NRG1: variants seen among roughly 807,000 people sequenced by gnomAD.
The protein encoded by NRG1 is neuregulin 1, also known as pro-neuregulin-1, membrane-bound isoform.
In NRG1, 18 loss-of-function variants were observed where a neutral mutation model predicts 63.8. The ratio of observed to expected loss-of-function variants is 0.28; its 90% CI spans 0.19 to 0.42. The LOEUF (loss-of-function observed/expected upper bound fraction) is 0.42. Ranked by LOEUF, NRG1 falls within the 10% of genes least tolerant of loss-of-function variation. NRG1 has a pLI of 1.00. For missense variants in NRG1, 762 were observed against 814.7 expected (o/e 0.94, Z 0.79); for synonymous variants, 302 against 301.3 (o/e 1.00, Z -0.02).
chr8:32,018,075 A>G (rs959002851), intron 1 of NRG1, among the ~76,000 whole-genome samples: 2 of 152,182 alleles, frequency 1.3e-5, no homozygotes, highest in African/African-American at 4.8e-5. Flanking sequence ...AAACCCTAAG[A>G]ATTTTAGGAT....
chr8:32,284,240 T>A (rs1853228340), intron 1 of NRG1, among the ~76,000 whole-genome samples: 1 of 152,140 alleles, frequency 6.6e-6, no homozygotes, highest in Admixed American at 6.6e-5. Context: ...AATCCCCACC[T>A]GTAATGTATA....
chr8:32,514,377 C>T (rs897201802), intron 1 of NRG1, among the ~76,000 whole-genome samples: 11 of 151,938 alleles, frequency 7.2e-5, no homozygotes, highest in South Asian at 4.2e-4. Flanking sequence ...GCATATGTGT[C>T]GTATTATTTG....
At chr8:32,435,285 A>C (rs139417575) in intron 1 of NRG1, among the ~76,000 whole-genome samples, 96 of 152,294 alleles carry the variant, frequency 6.3e-4, no homozygotes, top group African/African-American at 2.2e-3. Flanking sequence ...AGGTGTCCAC[A>C]TATCACAAAA....
chr8:32,104,265 A>G (rs1358699275), intron 1 of NRG1, among the ~76,000 whole-genome samples: 1 of 152,174 alleles, frequency 6.6e-6, no homozygotes, highest in Non-Finnish European at 1.5e-5. Flanking sequence ...GTATTTGTTT[A>G]TCTAAACTAT....
chr8:31,857,688 A>C (rs1331802949), intron 1 of NRG1, among the ~76,000 whole-genome samples: 1 of 152,188 alleles, frequency 6.6e-6, no homozygotes, highest in East Asian at 1.9e-4. Flanking sequence ...TTTAATAGGT[A>C]TTTCTCACTT....
intron 1 of NRG1, among the ~76,000 whole-genome samples, chr8:32,458,932 C>G (rs991662483): frequency 2.0e-5 from 3 of 152,196 alleles, no homozygotes; most frequent in Non-Finnish European, 4.4e-5. Flanking sequence ...TTGTCCTTCA[C>G]TCTTTCTCCT....
chr8:32,599,260 C>T (rs1056824437), intron 2 of NRG1, among the ~76,000 whole-genome samples: 3 of 152,012 alleles, frequency 2.0e-5, no homozygotes, highest in Non-Finnish European at 4.4e-5. Flanking sequence ...TTTTCTTAGG[C>T]TATGATCAAC....
chr8:31,740,684 TGAGAGAGA>T (rs35666052), intron 1 of NRG1, among the ~76,000 whole-genome samples: 1 of 148,672 alleles, frequency 6.7e-6, no homozygotes, highest in Non-Finnish European at 1.5e-5. Flanking sequence ...TGTGTGTGTG[TGAGAGAGA>T]GAGAGAGAGA....
rs144183324 is a variant in NRG1 at position 32,164,042 on chromosome 8, A to C, written c.38-431786A>C. 1.6e-4 allele frequency among the ~76,000 whole-genome samples: 25 copies of C among 152,294 alleles called. No individual in the cohort carries two copies. The East Asian group carries it at 3.5e-3, about 21-fold the overall frequency. On this transcript the variant is annotated intron_variant, in intron 1 of 10. Transcript: ENST00000519301. ...ATGTGTACACACATGTGAGTGCGTG[A>C]ACATTCGATTCATTTCTCATTTTTG...
chr8:32,235,593 T>C (rs1481729), intron 1 of NRG1, among the ~76,000 whole-genome samples: 113,331 of 152,062 alleles, frequency 0.75, 43,319 homozygotes, highest in African/African-American at 0.91. Flanking sequence ...GTCATTTTAA[T>C]GAGATTTTCA....
At chr8:32,443,579 G>A (rs1172165308) in intron 1 of NRG1, among the ~76,000 whole-genome samples, 2 of 152,162 alleles carry the variant, frequency 1.3e-5, no homozygotes, top group African/African-American at 4.8e-5. Context: ...GGAAACAATG[G>A]AAGGCAGATA....
intron 5 of NRG1, among the ~76,000 whole-genome samples, chr8:32,696,448 A>G (rs1394228544): frequency 6.6e-6 from 1 of 152,112 alleles, no homozygotes; most frequent in African/African-American, 2.4e-5. Context: ...CTCCTGCAGC[A>G]ACAATAACCT....
chr8:32,535,295 T>C (rs1831847158), intron 1 of NRG1, among the ~76,000 whole-genome samples: 1 of 152,230 alleles, frequency 6.6e-6, no homozygotes, highest in South Asian at 2.1e-4. Flanking sequence ...TAGGAACATG[T>C]ACATATTTCC....
At chr8:31,654,420 T>A (rs1225729845) in intron 1 of NRG1, among the ~76,000 whole-genome samples, 2 of 152,218 alleles carry the variant, frequency 1.3e-5, no homozygotes, top group Non-Finnish European at 2.9e-5. Context: ...TTTAAAACAT[T>A]TTATTAAATA....
intron 1 of NRG1, among the ~76,000 whole-genome samples, chr8:32,079,985 G>A (rs1462884): frequency 0.97 from 147,771 of 152,056 alleles, 71,949 homozygotes; most frequent in East Asian, 1. Flanking sequence ...TAAAGTAGTA[G>A]TAATAAAATA....
chr8:32,757,501 C>A (rs1259599427), intron 9 of NRG1, among the ~76,000 whole-genome samples: 1 of 152,186 alleles, frequency 6.6e-6, no homozygotes, highest in Non-Finnish European at 1.5e-5. Flanking sequence ...AAACTATCAG[C>A]AAGTCTTGTA....
intron 1 of NRG1, among the ~76,000 whole-genome samples, chr8:32,555,459 C>T (rs1398583416): frequency 6.6e-6 from 1 of 152,150 alleles, no homozygotes; most frequent in East Asian, 1.9e-4. Flanking sequence ...TCTTGTGGAT[C>T]ATGGGCTGAT....
At chr8:32,064,026 C>T (rs542823797) in intron 1 of NRG1, among the ~76,000 whole-genome samples, 11 of 151,898 alleles carry the variant, frequency 7.2e-5, no homozygotes, top group South Asian at 2.1e-4. Flanking sequence ...TGTCATGGGA[C>T]GAGGGGAGCA....
intron 1 of NRG1, among the ~76,000 whole-genome samples, chr8:32,522,808 C>CCT (rs1830459914): frequency 7.2e-6 from 1 of 139,472 alleles, no homozygotes; most frequent in African/African-American, 2.6e-5. Context: ...CCCAATTTGC[C>CCT]TTTTTTTTTT....
Sources: gnomAD v4.1 joint callset for allele counts (sites outside exome capture counted in the v4.1 genomes callset) on GRCh38, gnomAD v4.1.1 for gene constraint, MANE v1.5 for transcripts, NCBI Gene and HGNC (gene_info 2026-07-23, HGNC 2026-07-21) for gene names.